ARL8B: variants seen among roughly 807,000 people sequenced by gnomAD.
The protein encoded by ARL8B is ADP-ribosylation factor-like protein 8B.
ARL8B carries 9 observed loss-of-function variants against 30.6 expected under a neutral mutation model. That is an observed-to-expected ratio of 0.29 (90% confidence interval 0.18 to 0.51). ARL8B has a LOEUF of 0.51. Ranked by LOEUF, ARL8B falls within the 20% of genes least tolerant of loss-of-function variation. The pLI, the probability that ARL8B is intolerant of heterozygous loss-of-function variation, is 0.97. For missense variants in ARL8B, 130 were observed against 227.2 expected (o/e 0.57, Z 2.75); for synonymous variants, 74 against 76.0 (o/e 0.97, Z 0.14).
chr3:5,156,415 T>C (rs2054533883), intron 1 of ARL8B, among the ~76,000 whole-genome samples: 1 of 150,394 alleles, frequency 6.6e-6, no homozygotes, highest in East Asian at 2.0e-4. Flanking sequence ...CAGTTGTTCG[T>C]TTGTTTGGTT....
At chr3:5,141,175 A>T (rs778044134) in intron 1 of ARL8B, among the ~76,000 whole-genome samples, 2 of 152,116 alleles carry the variant, frequency 1.3e-5, no homozygotes, top group Non-Finnish European at 2.9e-5. Flanking sequence ...TTCACTTATC[A>T]TGACCTTCTG....
intron 4 of ARL8B, 33 bp downstream of exon 4, chr3:5,172,773 A>T (rs1320346611): frequency 8.1e-7 from 1 of 1,234,728 alleles, no homozygotes; most frequent in Admixed American, 1.8e-5. Flanking sequence ...TTTACATTGT[A>T]ATTATATAAT....
chr3:5,164,144 C>A (rs1224774321), intron 1 of ARL8B, among the ~76,000 whole-genome samples: 2 of 152,102 alleles, frequency 1.3e-5, no homozygotes, highest in Non-Finnish European at 2.9e-5. Context: ...TATTTTTGAT[C>A]TGCATTTGTT....
At chr3:5,132,611 C>T (rs1485734810) in intron 1 of ARL8B, among the ~76,000 whole-genome samples, 1 of 152,092 alleles carries the variant, frequency 6.6e-6, no homozygotes. Flanking sequence ...TTTCACAGAG[C>T]CAAGACTTTA....
At chr3:5,137,724 C>T (rs574776142) in intron 1 of ARL8B, among the ~76,000 whole-genome samples, 33 of 152,250 alleles carry the variant, frequency 2.2e-4, no homozygotes, top group African/African-American at 6.3e-4. Flanking sequence ...AGGCGTGAGC[C>T]ACCATGCCCA....
chr3:5,152,631 G>A lies in ARL8B; in HGVS notation c.124-17872G>A, dbSNP rs143524087. Among the ~76,000 whole-genome samples the A allele has an allele frequency of 5.3e-5, 8 of 152,284 alleles. No homozygotes were observed. In the East Asian group the frequency reaches 1.4e-3, roughly 26 times the overall value. On this transcript the variant is annotated intron_variant, in intron 1 of 6. Transcript: ENST00000256496. Reference sequence around the variant, plus strand: ...ATTTGAGTAGCTTGGGACTAAGGGCGCGTGCCGCCACACCTAGCTAATTTT... The same window carrying A: ...ATTTGAGTAGCTTGGGACTAAGGGCACGTGCCGCCACACCTAGCTAATTTT...
intron 1 of ARL8B, among the ~76,000 whole-genome samples, chr3:5,124,418 A>C (rs1223514746): frequency 2.0e-5 from 3 of 151,586 alleles, no homozygotes; most frequent in African/African-American, 7.3e-5. Context: ...ATACCACTAA[A>C]ATTAATGAGG....
At chr3:5,123,251 G>C (rs1559272536) in intron 1 of ARL8B, among the ~76,000 whole-genome samples, 1 of 152,192 alleles carries the variant, frequency 6.6e-6, no homozygotes, top group Admixed American at 6.6e-5. Context: ...AGATAAGATG[G>C]ATCTGCAGTT....
intron 1 of ARL8B, among the ~76,000 whole-genome samples, chr3:5,132,280 A>C (rs2054289703): frequency 6.6e-6 from 1 of 151,752 alleles, no homozygotes; most frequent in Non-Finnish European, 1.5e-5. Flanking sequence ...TTTGAGGCAG[A>C]GTCTCACTCT....
chr3:5,153,973 T>G (rs1211290977), intron 1 of ARL8B, among the ~76,000 whole-genome samples: 2 of 152,210 alleles, frequency 1.3e-5, no homozygotes, highest in East Asian at 3.8e-4. Context: ...GCTTTGATTG[T>G]TTCTGATGGG....
At chr3:5,168,932 T>A (rs1276937377) in intron 1 of ARL8B, among the ~76,000 whole-genome samples, 1 of 152,182 alleles carries the variant, frequency 6.6e-6, no homozygotes, top group Non-Finnish European at 1.5e-5. Flanking sequence ...TCCTCAGAGA[T>A]TAAAGCCTAT....
At chr3:5,147,341 G>C (rs1205417515) in intron 1 of ARL8B, among the ~76,000 whole-genome samples, 1 of 152,152 alleles carries the variant, frequency 6.6e-6, no homozygotes, top group African/African-American at 2.4e-5. Flanking sequence ...CCCTGCAAAG[G>C]ACATGAACTC....
At chr3:5,126,183 G>A (rs530007310) in intron 1 of ARL8B, among the ~76,000 whole-genome samples, 1 of 151,686 alleles carries the variant, frequency 6.6e-6, no homozygotes, top group Non-Finnish European at 1.5e-5. Flanking sequence ...TGTTGAGGAT[G>A]TAGTGATTAA....
Position 5,173,865 on chromosome 3 carries a change from A to G in ARL8B, c.373-152A>G, listed in dbSNP as rs921541982. On this transcript the variant is annotated intron_variant, in intron 4 of 6. Transcript: ENST00000256496. ...AGTGAATACAAGTGTGAGCAATGAAATGAATGAGACAAGCCACCAGTTACA... is the reference window on the plus strand; with the variant it reads ...AGTGAATACAAGTGTGAGCAATGAAGTGAATGAGACAAGCCACCAGTTACA... 52 of 695,722 alleles carry G rather than the reference A, an allele frequency of 7.5e-5. No individual in the cohort carries two copies. In the African/African-American group the frequency reaches 8.4e-4, roughly 11 times the overall value. 43.1% of individuals were successfully genotyped at this position (695,722 alleles called of 1,614,324 possible). A position where few individuals can be genotyped will look rare whatever the true frequency, so the allele number is the denominator to read the frequency against.
chr3:5,172,627 G>C lies in ARL8B; in HGVS notation c.279-20G>C. Reference sequence around the variant, plus strand: ...AAGGCATACAGAGAAGGTATGTTGAGATCACTTCATTTTTTTAAGTTACAT... The same window carrying C: ...AAGGCATACAGAGAAGGTATGTTGACATCACTTCATTTTTTTAAGTTACAT... On this transcript the variant is annotated intron_variant, in intron 3 of 6. Transcript: ENST00000256496. The C allele has an allele frequency of 6.4e-7, 1 of 1,552,594 alleles. No individual in the cohort carries two copies. Among genetic ancestry groups the C allele is most frequent in the East Asian group, 2.3e-5 (1 of 44,422 alleles).
chr3:5,156,452 T>C (rs990691936), intron 1 of ARL8B, among the ~76,000 whole-genome samples: 1 of 152,108 alleles, frequency 6.6e-6, no homozygotes, highest in Non-Finnish European at 1.5e-5. Context: ...AGTCTCACAT[T>C]GTCACCCAGG....
chr3:5,162,563 G>T (rs1192237498), intron 1 of ARL8B, among the ~76,000 whole-genome samples: 1 of 152,124 alleles, frequency 6.6e-6, no homozygotes, highest in Non-Finnish European at 1.5e-5. Flanking sequence ...TGGCCCATGG[G>T]GAGAATTTGG....
At position 5,147,896 on chromosome 3, in the gene ARL8B, C is replaced by T. The variant is rs370999160; in HGVS notation, c.124-22607C>T. Among the ~76,000 whole-genome samples, 22 of 149,816 alleles carry T rather than the reference C, an allele frequency of 1.5e-4. No individual in the cohort carries two copies. In the South Asian group the frequency reaches 1.7e-3, roughly 12 times the overall value. On this transcript the variant is annotated intron_variant, in intron 1 of 6. Coordinates refer to ENST00000256496, the MANE Select transcript of ARL8B (RefSeq NM_018184.3). Reference sequence around the variant, plus strand: ...ATTTTCTCTTTTTCTTGTTGAATCTCGAATGCCTTTAAGACATTTTGTGTC... The same window carrying T: ...ATTTTCTCTTTTTCTTGTTGAATCTTGAATGCCTTTAAGACATTTTGTGTC...
chr3:5,157,904 G>A (rs1392913052), intron 1 of ARL8B: 1 of 152,076 alleles, frequency 6.6e-6, no homozygotes, highest in African/African-American at 2.4e-5. Flanking sequence ...CAGATAGATT[G>A]TGCTTCAAGT....
Sources: gnomAD v4.1 joint callset for allele counts (sites outside exome capture counted in the v4.1 genomes callset) on GRCh38, gnomAD v4.1.1 for gene constraint, MANE v1.5 for transcripts, NCBI Gene and HGNC (gene_info 2026-07-23, HGNC 2026-07-21) for gene names.